SEMA3A: variants seen among roughly 807,000 people sequenced by gnomAD.
SEMA3A encodes the protein semaphorin 3A, also known as semaphorin-3A.
SEMA3A carries 29 observed loss-of-function variants against 97.9 expected under a neutral mutation model. The ratio of observed to expected loss-of-function variants is 0.30; its 90% CI spans 0.22 to 0.40. The LOEUF is 0.40. Among genes scored for constraint, SEMA3A ranks in the 10% least tolerant of loss-of-function variants. The pLI, the probability that SEMA3A is intolerant of heterozygous loss-of-function variation, is 1.00. For synonymous variants in SEMA3A, 321 were observed against 323.7 expected, an observed-to-expected ratio of 0.99 and a Z score of 0.09; for missense variants, 763 against 951.3, an observed-to-expected ratio of 0.80 and a Z score of 2.60.
At chr7:84,107,978 G>C (rs1795159448) in intron 4 of SEMA3A, among the ~76,000 whole-genome samples, 1 of 152,012 alleles carries the variant, frequency 6.6e-6, no homozygotes. Context: ...ACAATTGCTA[G>C]CAAGCAAAAC....
intron 1 of SEMA3A, among the ~76,000 whole-genome samples, chr7:84,395,803 A>G (rs751516477): frequency 1.1e-4 from 17 of 152,126 alleles, no homozygotes; most frequent in Non-Finnish European, 2.4e-4. Flanking sequence ...GCCATGCAGT[A>G]CTGTGAGTCA....
At chr7:84,057,263 G>GA (rs1793022162) in intron 5 of SEMA3A, among the ~76,000 whole-genome samples, 1 of 152,080 alleles carries the variant, frequency 6.6e-6, no homozygotes, top group South Asian at 2.1e-4. Context: ...AGATTTCAAT[G>GA]AAAAAATAAA....
At chr7:84,450,332 C>A (rs761028579) in intron 1 of SEMA3A, among the ~76,000 whole-genome samples, 2 of 152,096 alleles carry the variant, frequency 1.3e-5, no homozygotes, top group Non-Finnish European at 2.9e-5. Context: ...CTCTTGCGTG[C>A]AATTCTTGGG....
At chr7:84,028,466 C>G (rs1791622996) in intron 6 of SEMA3A, among the ~76,000 whole-genome samples, 1 of 152,080 alleles carries the variant, frequency 6.6e-6, no homozygotes, top group African/African-American at 2.4e-5. Context: ...GGAACAAAAT[C>G]AACAAAGTAT....
rs1323567368 is a variant in SEMA3A at position 84,429,645 on chromosome 7, C to A, written c.-245-57745G>T. Among the ~76,000 whole-genome samples the A allele has an allele frequency of 3.4e-5, 5 of 146,974 alleles. No individual in the cohort carries two copies. In the Admixed American group the frequency reaches 3.5e-4, roughly 10 times the overall value. ...TTTTCCTGCCCTGGTCATCCTACAC[C>A]CTTCCCCTAAAAATAGAAAGATAGA... On this transcript the variant is annotated intron_variant, in intron 1 of 3. Coordinates refer to the SEMA3A transcript ENST00000424555.
At chr7:84,348,340 C>T (rs982072127) in intron 2 of SEMA3A, among the ~76,000 whole-genome samples, 12 of 152,092 alleles carry the variant, frequency 7.9e-5, no homozygotes, top group Admixed American at 2.6e-4. Context: ...TTAGTTTTCC[C>T]TCAGTAGATT....
chr7:84,429,516 TTATATATATATATATATATATA>T (rs10523978), intron 1 of SEMA3A, among the ~76,000 whole-genome samples: 2 of 72,420 alleles, frequency 2.8e-5, no homozygotes, highest in African/African-American at 1.4e-4. Flanking sequence ...ATAGAGTTTG[TTATATATATATATATATATATA>T]TATATATATA....
At chr7:84,154,821 A>G (rs535553425) in intron 1 of SEMA3A, among the ~76,000 whole-genome samples, 122 of 152,102 alleles carry the variant, frequency 8.0e-4, no homozygotes, top group African/African-American at 2.8e-3. Flanking sequence ...AATTTCAGTC[A>G]TATGCCTAGA....
At chr7:84,058,337 T>C (rs1022486058) in intron 5 of SEMA3A, among the ~76,000 whole-genome samples, 1 of 152,180 alleles carries the variant, frequency 6.6e-6, no homozygotes, top group Non-Finnish European at 1.5e-5. Flanking sequence ...GTTACCCTTG[T>C]ATGTAAAAGA....
At chr7:84,320,767 C>T (rs1482700717) in intron 2 of SEMA3A, among the ~76,000 whole-genome samples, 1 of 151,984 alleles carries the variant, frequency 6.6e-6, no homozygotes, top group Non-Finnish European at 1.5e-5. Flanking sequence ...AGTGAGAGAG[C>T]AGGAGATTTG....
chr7:84,092,617 A>C (rs1794635972), intron 4 of SEMA3A, among the ~76,000 whole-genome samples: 1 of 152,132 alleles, frequency 6.6e-6, no homozygotes, highest in African/African-American at 2.4e-5. Context: ...CAGACAAAGA[A>C]TTTCTATTCT....
intron 3 of SEMA3A, among the ~76,000 whole-genome samples, chr7:84,116,936 T>A (rs948533931): frequency 6.6e-6 from 1 of 152,234 alleles, no homozygotes; most frequent in Admixed American, 6.5e-5. Context: ...GGCAACCTGA[T>A]GCTTGGTTAA....
chr7:84,084,548 G>C (rs1332628915), intron 4 of SEMA3A, among the ~76,000 whole-genome samples: 1 of 151,644 alleles, frequency 6.6e-6, no homozygotes, highest in Non-Finnish European at 1.5e-5. Context: ...AAAAAAATAG[G>C]TAAAATCATT....
At chr7:84,131,801 TA>T (rs1795969794) in intron 2 of SEMA3A, among the ~76,000 whole-genome samples, 1 of 151,456 alleles carries the variant, frequency 6.6e-6, no homozygotes, top group African/African-American at 2.4e-5. Context: ...TTTATTTATT[TA>T]TTTATTTTGC....
chr7:84,320,203 C>G (rs935924396), intron 2 of SEMA3A, among the ~76,000 whole-genome samples: 1 of 151,960 alleles, frequency 6.6e-6, no homozygotes, highest in Non-Finnish European at 1.5e-5. Context: ...CTTAATAATA[C>G]CTTACAGGGT....
rs1407128454 is a variant in SEMA3A, at chr7:83,961,611, G to A, written c.2076C>T (p.Ser692=). ...CCTTCTGGCTAGGTGTCATGCTATT[G>A]GACATTTCTTTGGTCTTAGAGCCAT... The part of the protein sequence containing the change: ...DGDGSKTKEM[S]NSMTPSQKVW... Residue 692 remains serine, a synonymous_variant, in exon 17 of 17, where the codon TCC becomes TCT. Coordinates refer to ENST00000265362, the MANE Select transcript of SEMA3A (RefSeq NM_006080.3). 5.0e-6 allele frequency: 8 copies of A among 1,613,908 alleles called. No homozygotes were observed. Among genetic ancestry groups the A allele is most frequent in the African/African-American group, 1.3e-5 (1 of 74,892 alleles).
chr7:84,025,316 G>A (rs978431974), intron 6 of SEMA3A, among the ~76,000 whole-genome samples: 3 of 152,114 alleles, frequency 2.0e-5, no homozygotes, highest in Non-Finnish European at 2.9e-5. Context: ...TTGGTAATGG[G>A]GAATAATTAT....
intron 2 of SEMA3A, among the ~76,000 whole-genome samples, chr7:84,367,879 TTATC>T (rs1802889289): frequency 1.3e-5 from 2 of 151,320 alleles, no homozygotes; most frequent in African/African-American, 2.4e-5. Flanking sequence ...ACAATTCTGT[TTATC>T]TAAAAGAATC....
At chr7:84,350,284 C>T (rs1802405333) in intron 2 of SEMA3A, among the ~76,000 whole-genome samples, 1 of 152,090 alleles carries the variant, frequency 6.6e-6, no homozygotes, top group Admixed American at 6.6e-5. Context: ...AATAACTTCT[C>T]GTGGTGCCTG....
Sources: gnomAD v4.1 joint callset for allele counts (sites outside exome capture counted in the v4.1 genomes callset) on GRCh38, gnomAD v4.1.1 for gene constraint, MANE v1.5 for transcripts, NCBI Gene and HGNC (gene_info 2026-07-23, HGNC 2026-07-21) for gene names.